Variants in NFILZ observed in about 807,000 individuals in gnomAD.
NFILZ encodes the protein NFIL3 like protein.
rs2043131605 is a variant in NFILZ at position 8,678,879 on chromosome 19, C to T, written c.*1244C>T. Reference sequence around the variant, plus strand: ...CCAGTTAGTGACAAGTGAGAAGACACTTTTCTGGTCTTGGGTTTCCTGTCC... The same window carrying T: ...CCAGTTAGTGACAAGTGAGAAGACATTTTTCTGGTCTTGGGTTTCCTGTCC... On this transcript the variant is annotated 3_prime_UTR_variant, in exon 6 of 6. Coordinates refer to ENST00000691075, the MANE Select transcript of NFILZ (RefSeq NM_001378600.1). Among the ~76,000 whole-genome samples the T allele has an allele frequency of 6.6e-6, 1 of 152,180 alleles. No individual in the cohort carries two copies. Among genetic ancestry groups the T allele is most frequent in the Non-Finnish European group, 1.5e-5 (1 of 68,038 alleles).
At chr19:8,654,941 T>A (rs1024244901) in intron 3 of NFILZ, among the ~76,000 whole-genome samples, 1 of 152,176 alleles carries the variant, frequency 6.6e-6, no homozygotes, top group African/African-American at 2.4e-5. Context: ...TATAAGCAGT[T>A]CTGACCACAT....
chr19:8,652,999 C>CTGT (rs2042973424), intron 3 of NFILZ, among the ~76,000 whole-genome samples: 1 of 45,096 alleles, frequency 2.2e-5, no homozygotes, highest in East Asian at 9.2e-4. Flanking sequence ...TTCCTTCCTT[C>CTGT]CTTCCTTCCT....
rs182796697 is a variant in NFILZ at position 8,669,704 on chromosome 19, T to C, written c.-163-4847T>C. On this transcript the variant is annotated intron_variant, in intron 3 of 5. Transcript: ENST00000691075. Reference sequence around the variant, plus strand: ...GGAAGGGTTTGGGTACTGGATCCCATTGTACCTGGATTCTGGCTGTGCGAC... The same window carrying C: ...GGAAGGGTTTGGGTACTGGATCCCACTGTACCTGGATTCTGGCTGTGCGAC... 7.0e-4 allele frequency among the ~76,000 whole-genome samples: 106 copies of C among 152,330 alleles called. 1 individual carries two copies. The South Asian group carries it at 0.011, about 16-fold the overall frequency.
At chr19:8,641,254 G>A (rs1442732292) in intron 3 of NFILZ, among the ~76,000 whole-genome samples, 5 of 151,372 alleles carry the variant, frequency 3.3e-5, no homozygotes, top group Admixed American at 6.6e-5. Context: ...GTCTCCTTAT[G>A]TTGCTCAGGC....
At position 8,652,393 on chromosome 19, in the gene NFILZ, GC is replaced by G. The variant is rs536181504; in HGVS notation, c.-164+16648del. On this transcript the variant is annotated intron_variant, in intron 3 of 5. Coordinates refer to ENST00000691075, the MANE Select transcript of NFILZ (RefSeq NM_001378600.1). Reference sequence around the variant, plus strand: ...GCTGGGATTACAGGCTTGAGCCACCGCTCCTGGCTGGGAGATTTTATTTGTA... The same window carrying G: ...GCTGGGATTACAGGCTTGAGCCACCGTCCTGGCTGGGAGATTTTATTTGTA... Among the ~76,000 whole-genome samples the G allele has an allele frequency of 8.7e-4, 133 of 152,296 alleles. 2 individuals are homozygous for G. The highest frequency in any genetic ancestry group is 2.9e-3 in the African/African-American group (121 of 41,570).
At chr19:8,670,396 C>G (rs2043081161) in intron 3 of NFILZ, among the ~76,000 whole-genome samples, 1 of 152,168 alleles carries the variant, frequency 6.6e-6, no homozygotes, top group African/African-American at 2.4e-5. Flanking sequence ...GCCATTGCAC[C>G]TGGCCCCATA....
rs1555751108 is a variant in NFILZ at position 8,678,691 on chromosome 19, T to TCATCTACTCATCCACCCATC, written c.*1061_*1080dup. On this transcript the variant is annotated 3_prime_UTR_variant, in exon 6 of 6. Transcript: ENST00000691075. ...CACATCCTTCCTTTCATCCACCCAT[T>TCATCTACTCATCCACCCATC]CATCTACTCATCCACCCATCCATCC... 6.6e-6 allele frequency among the ~76,000 whole-genome samples: 1 copy of TCATCTACTCATCCACCCATC among 151,884 alleles called. No homozygotes were observed. Among genetic ancestry groups the TCATCTACTCATCCACCCATC allele is most frequent in the Non-Finnish European group, 1.5e-5 (1 of 67,954 alleles).
At chr19:8,672,979 C>T (rs1046724543) in intron 3 of NFILZ, among the ~76,000 whole-genome samples, 1 of 151,842 alleles carries the variant, frequency 6.6e-6, no homozygotes, top group African/African-American at 2.4e-5. Flanking sequence ...AGGGTGGAGG[C>T]TGGTGGGGGC....
chr19:8,659,824 C>T (rs782475640), intron 3 of NFILZ, among the ~76,000 whole-genome samples: 1 of 151,742 alleles, frequency 6.6e-6, no homozygotes, highest in Non-Finnish European at 1.5e-5. Flanking sequence ...ATATTCTAGG[C>T]TTGGGGTGAG....
chr19:8,673,098 CA>C (rs1207865471), intron 3 of NFILZ, among the ~76,000 whole-genome samples: 1 of 151,980 alleles, frequency 6.6e-6, no homozygotes, highest in African/African-American at 2.4e-5. Context: ...TGAATGGGGC[CA>C]GGGGAGAAGG....
chr19:8,662,204 TAAA>T (rs113185976), intron 3 of NFILZ, among the ~76,000 whole-genome samples: 3 of 133,484 alleles, frequency 2.2e-5, no homozygotes, highest in African/African-American at 2.8e-5. Context: ...GACTCTGTCT[TAAA>T]AAAAAAAAAA....
chr19:8,664,344 C>T (rs2146165528), intron 3 of NFILZ, among the ~76,000 whole-genome samples: 1 of 152,308 alleles, frequency 6.6e-6, no homozygotes, highest in African/African-American at 2.4e-5. Flanking sequence ...CTCACCGGCT[C>T]TGGACACCCC....
chr19:8,667,763 C>T (rs1270299113), intron 3 of NFILZ, among the ~76,000 whole-genome samples: 1 of 151,966 alleles, frequency 6.6e-6, no homozygotes, highest in Non-Finnish European at 1.5e-5. Context: ...CCAGTCTGGT[C>T]TCGAACTCCT....
At chr19:8,663,651 G>A (rs1052045112) in intron 3 of NFILZ, among the ~76,000 whole-genome samples, 1 of 151,984 alleles carries the variant, frequency 6.6e-6, no homozygotes, top group Non-Finnish European at 1.5e-5. Context: ...TGAGTTTGGG[G>A]TGAAGCCAGC....
chr19:8,636,914 G>C (rs1238631892), intron 3 of NFILZ, among the ~76,000 whole-genome samples: 3 of 152,148 alleles, frequency 2.0e-5, no homozygotes, highest in Non-Finnish European at 4.4e-5. Context: ...TTTGTATGGA[G>C]AGACAGGACA....
intron 4 of NFILZ, among the ~76,000 whole-genome samples, 141 bp from the exon 5 acceptor site, chr19:8,676,218 G>A (rs1413500084): frequency 6.6e-6 from 1 of 152,202 alleles, no homozygotes; most frequent in Non-Finnish European, 1.5e-5. Flanking sequence ...TGGATGGATG[G>A]AAGGGCAGGT....
chr19:8,646,050 TG>T (rs201777450), intron 3 of NFILZ, among the ~76,000 whole-genome samples: 2 of 149,714 alleles, frequency 1.3e-5, no homozygotes, highest in Admixed American at 6.7e-5. Flanking sequence ...TCTTTTTTTT[TG>T]GGGGGGATGG....
chr19:8,641,411 T>C (rs1555746650), intron 3 of NFILZ, among the ~76,000 whole-genome samples: 1 of 152,138 alleles, frequency 6.6e-6, no homozygotes, highest in East Asian at 1.9e-4. Context: ...CACCCAAATC[T>C]AAAGACCACT....
At position 8,665,370 on chromosome 19, in the gene NFILZ, G is replaced by C. The variant is rs151007068; in HGVS notation, c.-163-9181G>C. ...AAAAATGGTCTACGTGGCTGGAGTG[G>C]TGTGTTTGAGGAGGGCTAAGGGGGT... is the stretch of plus-strand genomic sequence containing the variant. On this transcript the variant is annotated intron_variant, in intron 3 of 5. Coordinates refer to ENST00000691075, the MANE Select transcript of NFILZ (RefSeq NM_001378600.1). Among the ~76,000 whole-genome samples the C allele has an allele frequency of 4.1e-4, 63 of 152,290 alleles. No homozygotes were observed. In the East Asian group the frequency reaches 0.012, roughly 28 times the overall value.
Sources: gnomAD v4.1 joint callset for allele counts (sites outside exome capture counted in the v4.1 genomes callset) on GRCh38, gnomAD v4.1.1 for gene constraint, MANE v1.5 for transcripts, NCBI Gene and HGNC (gene_info 2026-07-23, HGNC 2026-07-21) for gene names.